The following COBL variants were observed in gnomAD, a reference collection of about 807,000 sequenced individuals.
The protein encoded by COBL is protein cordon-bleu.
COBL carries 51 observed loss-of-function variants against 98.8 expected under a neutral mutation model. That is an observed-to-expected ratio of 0.52 (90% CI 0.41 to 0.65). COBL has a LOEUF of 0.65. Ranked by LOEUF, COBL falls within the 30% of genes least tolerant of loss-of-function variation. The pLI, the probability that COBL is intolerant of heterozygous loss-of-function variation, is 0.00. For synonymous variants in COBL, 634 were observed against 651.7 expected, an observed-to-expected ratio of 0.97 and a Z score of 0.41; for missense variants, 1,617 against 1,617.5, an observed-to-expected ratio of 1.00 and a Z score of 0.01.
chr7:51,052,351 G>C (rs890518796), intron 7 of COBL, among the ~76,000 whole-genome samples: 1 of 152,188 alleles, frequency 6.6e-6, no homozygotes, highest in African/African-American at 2.4e-5. Context: ...GAATCCTACT[G>C]AGTATATCTG....
Position 51,029,098 on chromosome 7 carries a change from C to T in COBL, c.1998G>A (p.Val666=), listed in dbSNP as rs1284910940. 6.2e-7 allele frequency: 1 copy of T among 1,614,074 alleles called. No homozygotes were observed. The highest frequency in any genetic ancestry group is 2.2e-5 in the East Asian group (1 of 44,880). ...CCTTTTCATTCACCGGTTGGGAATTCACTCTCTCTGTGGCTTGAGTCCTCT... is the reference window on the plus strand; with the variant it reads ...CCTTTTCATTCACCGGTTGGGAATTTACTCTCTCTGTGGCTTGAGTCCTCT... ...DGERTQATER[V]NSQPVNEKDS... The change falls in exon 10 of 13, where the codon GTG becomes GTA. Residue 666 remains valine (V), a synonymous_variant. Transcript: ENST00000265136.
intron 6 of COBL, among the ~76,000 whole-genome samples, chr7:51,106,929 C>T (rs943782025): frequency 2.0e-5 from 3 of 151,886 alleles, no homozygotes; most frequent in Non-Finnish European, 2.9e-5. Flanking sequence ...TAATGTGCTC[C>T]TAGTTTATTT....
chr7:51,016,821 G>C lies in COBL; in HGVS notation c.*730C>G, dbSNP rs1380633495. 5.0e-6 allele frequency: 2 copies of C among 397,762 alleles called. No homozygotes were observed. Among genetic ancestry groups the C allele is most frequent in the Non-Finnish European group, 8.8e-6 (2 of 226,126 alleles). 24.6% of individuals were successfully genotyped at this position (397,762 alleles called of 1,614,324 possible). On this transcript the variant is annotated 3_prime_UTR_variant, in exon 13 of 13. Transcript: ENST00000265136. ...GGGGCACTGCCCATCCACTCCAGTG[G>C]TGGTGTGACCTCAGCCACCCGCCAC...
At chr7:51,030,768 T>G in intron 9 of COBL, 44 bp downstream of exon 9, 1 of 1,288,988 alleles carries the variant, frequency 7.8e-7, no homozygotes, top group South Asian at 1.2e-5. Flanking sequence ...GGCACCTACT[T>G]TCATGCAGCA....
At chr7:51,291,617 T>G (rs1297928928) in intron 1 of COBL, among the ~76,000 whole-genome samples, 1 of 151,862 alleles carries the variant, frequency 6.6e-6, no homozygotes, top group Non-Finnish European at 1.5e-5. Context: ...AAAAATTAGC[T>G]GGGTGTGGTG....
chr7:51,219,007 AT>A (rs1793359208), intron 2 of COBL, among the ~76,000 whole-genome samples: 1 of 152,226 alleles, frequency 6.6e-6, no homozygotes, highest in Non-Finnish European at 1.5e-5. Context: ...GCACAAAACT[AT>A]TTAAACAATA....
intron 5 of COBL, among the ~76,000 whole-genome samples, chr7:51,160,122 C>T (rs1422324933): frequency 1.3e-5 from 2 of 152,122 alleles, no homozygotes; most frequent in Admixed American, 6.5e-5. Flanking sequence ...AAACTCCTGA[C>T]CTCAGGTGAT....
In COBL at chr7:51,180,715, T is replaced by C. The variant is rs555007734; in HGVS notation, c.783+3387A>G. Among the ~76,000 whole-genome samples the C allele has an allele frequency of 2.0e-5, 3 of 152,138 alleles. No homozygotes were observed. In the South Asian group the frequency reaches 6.2e-4, roughly 32 times the overall value. On this transcript the variant is annotated intron_variant, in intron 5 of 12. Transcript: ENST00000265136. Reference sequence around the variant, plus strand: ...CTAGCAGACTATTGTTTTTGTGATATTATTATTTGCCCACAATTTGGACTG... The same window carrying C: ...CTAGCAGACTATTGTTTTTGTGATACTATTATTTGCCCACAATTTGGACTG...
chr7:51,165,477 T>A (rs1053068304), intron 5 of COBL, among the ~76,000 whole-genome samples: 7 of 151,990 alleles, frequency 4.6e-5, no homozygotes, highest in Non-Finnish European at 7.4e-5. Context: ...GCAAATATTA[T>A]TAGAGCTAAA....
chr7:51,117,172 C>T (rs1262399249), intron 6 of COBL, among the ~76,000 whole-genome samples: 1 of 136,112 alleles, frequency 7.3e-6, no homozygotes, highest in Non-Finnish European at 1.6e-5. Flanking sequence ...TTATAAAGTA[C>T]CTATGTAGCT....
At chr7:51,154,389 G>C (rs1048414147) in intron 5 of COBL, among the ~76,000 whole-genome samples, 4 of 152,234 alleles carry the variant, frequency 2.6e-5, no homozygotes, top group African/African-American at 9.6e-5. Context: ...GCTTTGAGAG[G>C]CTTAGAGCAA....
Position 51,164,028 on chromosome 7 carries a change from C to T in COBL, c.783+20074G>A, listed in dbSNP as rs547430389. 2.6e-5 allele frequency among the ~76,000 whole-genome samples: 4 copies of T among 152,282 alleles called. No individual in the cohort carries two copies. The South Asian group carries it at 8.3e-4, about 32-fold the overall frequency. On this transcript the variant is annotated intron_variant, in intron 5 of 12. Transcript: ENST00000265136. The stretch of plus-strand genomic sequence containing the variant: ...AACAAACTTTTGGGCTTTTGCCAAT[C>T]CCATAGGTGATGAACAGTGTTCACT...
At position 51,029,386 on chromosome 7, in the gene COBL, C is replaced by G. The variant is rs923439897; in HGVS notation, c.1710G>C (p.Glu570Asp). ...RNNNAGSFDSEGVASRRDSLA... is the reference protein window; with the variant it reads ...RNNNAGSFDSDGVASRRDSLA... ...GGGAGTCTCTCCTGCTGGCAACACC[C>G]TCCGAGTCGAAAGACCCAGCATTGT... The change falls in exon 10 of 13, where the codon GAG becomes GAC. Residue 570 changes from glutamate to aspartate, a missense_variant. Physicochemically the swap from Glu to Asp is conservative, Grantham distance 45. Around this residue, in one of 3 missense-constraint regions of COBL, gnomAD observed 1,304 missense variants for 1,282.0 expected, o/e 1.02. Transcript: ENST00000265136. The G allele has an allele frequency of 2.5e-5, 41 of 1,612,026 alleles. No homozygotes were observed. The highest frequency in any genetic ancestry group is 2.9e-5 in the Non-Finnish European group (34 of 1,178,606).
chr7:51,043,596 A>C lies in COBL; in HGVS notation c.1193T>G (p.Phe398Cys). Residue 398 changes from phenylalanine (F) to cysteine (C), a missense_variant, in exon 8 of 13, where the codon TTT becomes TGT. By Grantham distance (205) the Phe-to-Cys change is radical. This residue lies in a region of COBL where 1,304 missense variants were observed against 1,282.0 expected (regional missense o/e 1.02). Transcript: ENST00000265136. Reference protein sequence around the residue: ...AEETVSVGSCFASEDTTEDSG... With the variant: ...AEETVSVGSCCASEDTTEDSG... Reference sequence around the variant, plus strand: ...GTCCTCGGTCGTGTCCTCCGACGCAAAACAGCTGCCAACTGACACGGTCTC... The same window carrying C: ...GTCCTCGGTCGTGTCCTCCGACGCACAACAGCTGCCAACTGACACGGTCTC... The C allele has an allele frequency of 6.2e-7, 1 of 1,614,158 alleles. No individual in the cohort carries two copies. The highest frequency in any genetic ancestry group is 8.5e-7 in the Non-Finnish European group (1 of 1,180,024).
intron 1 of COBL, among the ~76,000 whole-genome samples, chr7:51,299,277 GC>G (rs1342280447): frequency 1.3e-5 from 2 of 152,246 alleles, no homozygotes; most frequent in African/African-American, 4.8e-5. Context: ...CTGCCTGTCT[GC>G]CCAGGAGGTG....
Position 51,028,508 on chromosome 7 carries a change from G to T in COBL, c.2588C>A (p.Thr863Lys). 1 of 1,614,258 alleles carries T rather than the reference G, an allele frequency of 6.2e-7. No individual in the cohort carries two copies. Among genetic ancestry groups the T allele is most frequent in the South Asian group, 1.1e-5 (1 of 91,088 alleles). Residue 863 changes from threonine (T) to lysine (K), a missense_variant, in exon 10 of 13, where the codon ACG becomes AAG. Physicochemically the swap from Thr to Lys is moderately conservative, Grantham distance 78. Coordinates refer to ENST00000265136, the MANE Select transcript of COBL (RefSeq NM_015198.5). ...EVTFLKPQRRTSSQYVASAIA... is the reference protein window; with the variant it reads ...EVTFLKPQRRKSSQYVASAIA... Reference sequence around the variant, plus strand: ...GGCAGAGGCCACATACTGGCTGGACGTTCTTCTCTGAGGCTTGAGAAATGT... The same window carrying T: ...GGCAGAGGCCACATACTGGCTGGACTTTCTTCTCTGAGGCTTGAGAAATGT...
chr7:51,233,048 G>A (rs1161863680), intron 1 of COBL, among the ~76,000 whole-genome samples: 2 of 152,092 alleles, frequency 1.3e-5, no homozygotes, highest in African/African-American at 4.8e-5. Context: ...AGAGGTATAA[G>A]AGAAAATAAA....
chr7:51,259,661 T>C (rs1176686649), intron 1 of COBL: 2 of 734,846 alleles, frequency 2.7e-6, no homozygotes, highest in Non-Finnish European at 5.0e-6. Flanking sequence ...CATCACTGTG[T>C]TGTCTGTCTG....
intron 1 of COBL, among the ~76,000 whole-genome samples, chr7:51,248,271 T>G (rs1796433234): frequency 6.6e-6 from 1 of 152,208 alleles, no homozygotes; most frequent in Non-Finnish European, 1.5e-5. Context: ...TATAAAATAA[T>G]ATTGCTCTAT....
Sources: allele counts gnomAD v4.1 joint callset (sites outside exome capture counted in the v4.1 genomes callset), GRCh38; gene constraint gnomAD v4.1.1; regional missense constraint gnomAD v4.1.1; transcripts MANE v1.5; gene names NCBI Gene and HGNC (gene_info 2026-07-23, HGNC 2026-07-21).